Variants in RALGPS1 observed in about 807,000 individuals in gnomAD.
RALGPS1 encodes Ral GEF with PH domain and SH3 binding motif 1.
RALGPS1 carries 19 observed loss-of-function variants against 78.8 expected under a neutral mutation model. That is an observed-to-expected ratio of 0.24 (90% CI 0.17 to 0.35). The LOEUF (loss-of-function observed/expected upper bound fraction) is 0.35. RALGPS1 is among the 10% of genes least tolerant of loss of function. RALGPS1 has a pLI of 1.00. For synonymous variants in RALGPS1, 228 were observed against 256.3 expected, an observed-to-expected ratio of 0.89 and a Z score of 1.06; for missense variants, 454 against 688.3, an observed-to-expected ratio of 0.66 and a Z score of 3.81.
At chr9:127,200,061 CTG>C (rs1258083000) in intron 14 of RALGPS1, among the ~76,000 whole-genome samples, 5 of 152,208 alleles carry the variant, frequency 3.3e-5, no homozygotes, top group Non-Finnish European at 7.3e-5. Context: ...TATAACCACA[CTG>C]TCACACGTGG....
intron 18 of RALGPS1, chr9:127,216,818 C>A: frequency 8.0e-7 from 1 of 1,253,154 alleles, no homozygotes; most frequent in South Asian, 2.1e-5. Context: ...CCATACTGGT[C>A]ACACCATGTG....
At chr9:127,201,480 T>G (rs1564784680) in intron 14 of RALGPS1, among the ~76,000 whole-genome samples, 1 of 152,244 alleles carries the variant, frequency 6.6e-6, no homozygotes, top group Non-Finnish European at 1.5e-5. Context: ...ATCTCCATCC[T>G]GCACTGCTTC....
chr9:127,022,518 A>G (rs1171018425), intron 4 of RALGPS1, among the ~76,000 whole-genome samples: 6 of 106,744 alleles, frequency 5.6e-5, no homozygotes, highest in Admixed American at 8.3e-5. Flanking sequence ...TCCCATGCAG[A>G]AAAAAAAAAA....
intron 8 of RALGPS1, among the ~76,000 whole-genome samples, chr9:127,159,113 A>G (rs2058866051): frequency 1.3e-5 from 2 of 152,228 alleles, no homozygotes; most frequent in African/African-American, 4.8e-5. Context: ...TACTCAGCAC[A>G]GTGTCCAGCA....
rs1255168246 is a variant in RALGPS1 at position 127,218,154 on chromosome 9, T to TG, written c.1645-581dup. Reference sequence around the variant, plus strand: ...GGGCTGAGGACCTGTTGGCAGCTTTTGGGGGTGGCAGAAACACTCTGACCT... The same window carrying TG: ...GGGCTGAGGACCTGTTGGCAGCTTTTGGGGGGTGGCAGAAACACTCTGACCT... On this transcript the variant is annotated intron_variant, in intron 18 of 18. Coordinates refer to ENST00000259351, the MANE Select transcript of RALGPS1 (RefSeq NM_014636.3). This position sits in a 1 kb window ranked among gnomAD's most constrained non-coding sequence, Gnocchi z 4.4. 6.6e-6 allele frequency among the ~76,000 whole-genome samples: 1 copy of TG among 152,052 alleles called. No homozygotes were observed. The highest frequency in any genetic ancestry group is 1.5e-5 in the Non-Finnish European group (1 of 68,004).
intron 14 of RALGPS1, 90 bp downstream of exon 14, chr9:127,199,156 G>A (rs2061490527): frequency 8.2e-7 from 1 of 1,218,760 alleles, no homozygotes; most frequent in Non-Finnish European, 1.2e-6. Flanking sequence ...GACGGGCCCT[G>A]CCCCACCCAC....
chr9:126,988,991 C>T (rs964983188), intron 4 of RALGPS1, among the ~76,000 whole-genome samples: 5 of 152,122 alleles, frequency 3.3e-5, no homozygotes, highest in Non-Finnish European at 7.4e-5. Context: ...CTGAAGGACT[C>T]AGGAGGCCAA....
At chr9:127,203,593 G>T (rs1274013346) in intron 14 of RALGPS1, among the ~76,000 whole-genome samples, 2 of 152,090 alleles carry the variant, frequency 1.3e-5, no homozygotes, top group Non-Finnish European at 2.9e-5. Flanking sequence ...GGCAGGGTTG[G>T]GGGGCACAGT....
chr9:127,048,819 G>T (rs1478167456), intron 5 of RALGPS1, among the ~76,000 whole-genome samples: 1 of 152,102 alleles, frequency 6.6e-6, no homozygotes, highest in Non-Finnish European at 1.5e-5. Flanking sequence ...GAGCTTAATT[G>T]TGGGCAATTC....
intron 1 of RALGPS1, among the ~76,000 whole-genome samples, chr9:126,960,939 C>T (rs1310096614): frequency 6.6e-6 from 1 of 152,130 alleles, no homozygotes; most frequent in Non-Finnish European, 1.5e-5. Flanking sequence ...CTTCCTGTCT[C>T]TCAGTCTCTC....
chr9:127,097,718 T>C (rs1412363686), intron 8 of RALGPS1, among the ~76,000 whole-genome samples: 3 of 152,236 alleles, frequency 2.0e-5, no homozygotes, highest in African/African-American at 7.2e-5. Flanking sequence ...CTATAGCTGT[T>C]CCATATAAAT....
chr9:127,196,747 C>T (rs527768918), intron 13 of RALGPS1, 116 bp downstream of exon 13: 1 of 1,276,856 alleles, frequency 7.8e-7, no homozygotes, highest in African/African-American at 1.5e-5. Context: ...CTTGGGGACC[C>T]AGTGGCCCCT....
At chr9:126,958,580 T>C (rs376694834) in intron 1 of RALGPS1, among the ~76,000 whole-genome samples, 31 of 152,312 alleles carry the variant, frequency 2.0e-4, no homozygotes, top group East Asian at 1.2e-3. Context: ...GTTGGTGAAG[T>C]GGCTGTATCA....
At chr9:126,984,987 G>T (rs572303908) in intron 4 of RALGPS1, among the ~76,000 whole-genome samples, 1 of 152,246 alleles carries the variant, frequency 6.6e-6, no homozygotes, top group Non-Finnish European at 1.5e-5. Flanking sequence ...CATAGTTAGG[G>T]TAGATGATAT....
chr9:127,023,992 G>A lies in RALGPS1; in HGVS notation c.217-10439G>A, dbSNP rs372040115. Among the ~76,000 whole-genome samples the A allele has an allele frequency of 2.5e-4, 32 of 129,956 alleles. No individual in the cohort carries two copies. In the South Asian group the frequency reaches 8.5e-3, roughly 34 times the overall value. The allele number at this position is 129,956 out of a possible 152,430, so 85.3% of individuals were successfully genotyped here. On this transcript the variant is annotated intron_variant, in intron 4 of 18. Coordinates refer to ENST00000259351, the MANE Select transcript of RALGPS1 (RefSeq NM_014636.3). ...GCGGAGGTTGCAGTAAGCTGAGATC[G>A]CGCCACTGCACTCCAGCCTGGGTGA... is the stretch of plus-strand genomic sequence containing the variant.
chr9:127,025,573 TGTG>T (rs1475769967), intron 4 of RALGPS1, among the ~76,000 whole-genome samples: 18 of 152,348 alleles, frequency 1.2e-4, no homozygotes, highest in African/African-American at 4.3e-4. Context: ...TTGAATTAAA[TGTG>T]GTGTCCATTG....
chr9:127,131,401 T>C lies in RALGPS1; in HGVS notation c.611-34668T>C, dbSNP rs563555358. ...GAAGCTTGCAAGACCTCTGTTCTTA[T>C]GTAACAGCCAACAGCCGCCATCTGT... is the stretch of plus-strand genomic sequence containing the variant. On this transcript the variant is annotated intron_variant, in intron 8 of 18. Transcript: ENST00000259351. Among the ~76,000 whole-genome samples, 8 of 152,368 alleles carry C rather than the reference T, an allele frequency of 5.3e-5. No homozygotes were observed. In the South Asian group the frequency reaches 1.4e-3, roughly 28 times the overall value.
intron 3 of RALGPS1, among the ~76,000 whole-genome samples, chr9:126,970,631 GTA>G (rs913305837): frequency 6.6e-6 from 1 of 152,030 alleles, no homozygotes; most frequent in African/African-American, 2.4e-5. Context: ...GTGTGTGTGT[GTA>G]TGTGTGTGAG....
chr9:126,915,365 G>C (rs1183490581), intron 1 of RALGPS1: 2 of 143,580 alleles, frequency 1.4e-5, no homozygotes, highest in Non-Finnish European at 1.5e-5. Flanking sequence ...GGGCTGTGGG[G>C]TGCGGCCCGC....
Sources: gnomAD v4.1 joint callset for allele counts (sites outside exome capture counted in the v4.1 genomes callset) on GRCh38, gnomAD v4.1.1 for gene constraint, Gnocchi (gnomAD v3.1) non-coding constraint, MANE v1.5 for transcripts, NCBI Gene and HGNC (gene_info 2026-07-23, HGNC 2026-07-21) for gene names.